PCDH9: variants seen among roughly 807,000 people sequenced by gnomAD.
The protein encoded by PCDH9 is protocadherin 9.
Under a neutral mutation model 70.6 loss-of-function variants are expected in PCDH9, and 24 were observed. The ratio of observed to expected loss-of-function variants is 0.34; its 90% CI spans 0.25 to 0.48. The LOEUF (loss-of-function observed/expected upper bound fraction) is 0.48. Among genes scored for constraint, PCDH9 ranks in the 20% least tolerant of loss-of-function variants. PCDH9 has a pLI of 0.99. For synonymous variants in PCDH9, 562 were observed against 558.5 expected, an observed-to-expected ratio of 1.01 and a Z score of -0.09; for missense variants, 1,281 against 1,503.6, an observed-to-expected ratio of 0.85 and a Z score of 2.45.
rs537711535 is a variant in PCDH9, at chr13:66,537,565, G to T, written c.3340+93645C>A. Among the ~76,000 whole-genome samples, 8 of 152,050 alleles carry T rather than the reference G, an allele frequency of 5.3e-5. No individual in the cohort carries two copies. The South Asian group carries it at 1.7e-3, about 32-fold the overall frequency. On this transcript the variant is annotated intron_variant, in intron 4 of 4. Coordinates refer to ENST00000377865, the MANE Select transcript of PCDH9 (RefSeq NM_203487.3). The stretch of plus-strand genomic sequence containing the variant: ...TGCTTTGCACATTTGAAGAATAAAA[G>T]AAATCCTGCAGTGCTGGAGCAGAGG...
intron 2 of PCDH9, among the ~76,000 whole-genome samples, chr13:66,973,805 T>A (rs1168553830): frequency 6.6e-6 from 1 of 152,050 alleles, no homozygotes; most frequent in African/African-American, 2.4e-5. Flanking sequence ...ATAATGTGTC[T>A]GACCTAAAAC....
At chr13:66,747,746 C>G (rs1278484085) in intron 3 of PCDH9, among the ~76,000 whole-genome samples, 1 of 152,036 alleles carries the variant, frequency 6.6e-6, no homozygotes, top group Non-Finnish European at 1.5e-5. Flanking sequence ...TTAATACACA[C>G]ACATACACAG....
At position 67,124,782 on chromosome 13, in the gene PCDH9, G is replaced by C. The variant is rs191698851; in HGVS notation, c.3036+100623C>G. ...AGGAAGAGGAGACAGGAAAACAAAG[G>C]GTTTCTTGTTTTGAAATATACAATG... On this transcript the variant is annotated intron_variant, in intron 2 of 4. Coordinates refer to ENST00000377865, the MANE Select transcript of PCDH9 (RefSeq NM_203487.3). Among the ~76,000 whole-genome samples the C allele has an allele frequency of 2.5e-4, 38 of 152,192 alleles. No homozygotes were observed. In the East Asian group the frequency reaches 5.2e-3, roughly 21 times the overall value.
chr13:67,211,852 A>G (rs917536695), intron 2 of PCDH9: 1 of 152,104 alleles, frequency 6.6e-6, no homozygotes, highest in Non-Finnish European at 1.5e-5. Context: ...TCTATGTTCC[A>G]TATCTGTGGT....
At chr13:66,720,903 G>T (rs745529657) in intron 3 of PCDH9, among the ~76,000 whole-genome samples, 19 of 152,066 alleles carry the variant, frequency 1.2e-4, no homozygotes, top group African/African-American at 4.6e-4. Flanking sequence ...GTGGGTATAC[G>T]CAGGGGAAAA....
chr13:66,694,004 C>A (rs1265090573), intron 3 of PCDH9, among the ~76,000 whole-genome samples: 1 of 152,170 alleles, frequency 6.6e-6, no homozygotes, highest in Non-Finnish European at 1.5e-5. Context: ...TTTAGCAGTC[C>A]TGCTGGTTAG....
chr13:66,381,746 A>G (rs1956852015), intron 4 of PCDH9, among the ~76,000 whole-genome samples: 1 of 152,172 alleles, frequency 6.6e-6, no homozygotes, highest in African/African-American at 2.4e-5. Context: ...TGATTCTTTC[A>G]TTTCTCCTTG....
chr13:66,324,522 T>C (rs1955808822), intron 4 of PCDH9, among the ~76,000 whole-genome samples: 1 of 152,026 alleles, frequency 6.6e-6, no homozygotes, highest in East Asian at 1.9e-4. Context: ...TGATAGAGAA[T>C]ATTAATTTTA....
chr13:66,749,075 TAA>T (rs2079417272), intron 3 of PCDH9, among the ~76,000 whole-genome samples: 1 of 152,218 alleles, frequency 6.6e-6, no homozygotes, highest in Admixed American at 6.5e-5. Flanking sequence ...GCCATGATTA[TAA>T]GTTTCCTGAG....
intron 4 of PCDH9, among the ~76,000 whole-genome samples, chr13:66,505,962 C>A (rs571492715): frequency 1.3e-5 from 2 of 152,310 alleles, no homozygotes; most frequent in African/African-American, 4.8e-5. Context: ...GTCTATTCTA[C>A]TTTTATCTCT....
chr13:66,601,812 T>C (rs1294078283), intron 4 of PCDH9, among the ~76,000 whole-genome samples: 1 of 145,760 alleles, frequency 6.9e-6, no homozygotes, highest in East Asian at 1.9e-4. Flanking sequence ...CATAATAATG[T>C]CATGTAAGGC....
At chr13:66,454,557 G>A (rs1352567006) in intron 4 of PCDH9, among the ~76,000 whole-genome samples, 4 of 152,104 alleles carry the variant, frequency 2.6e-5, no homozygotes, top group Non-Finnish European at 5.9e-5. Flanking sequence ...TATATGAAAG[G>A]CTGTTTTCTT....
intron 3 of PCDH9, among the ~76,000 whole-genome samples, chr13:66,676,561 C>T (rs2078245799): frequency 6.6e-6 from 1 of 152,070 alleles, no homozygotes; most frequent in African/African-American, 2.4e-5. Flanking sequence ...GCTTAATATC[C>T]ATGACAGGAT....
chr13:67,162,771 T>C (rs1459897740), intron 2 of PCDH9, among the ~76,000 whole-genome samples: 2 of 151,964 alleles, frequency 1.3e-5, no homozygotes. Context: ...ATTTAAGTAA[T>C]AATGTATTCA....
chr13:66,496,319 C>T (rs962968195), intron 4 of PCDH9, among the ~76,000 whole-genome samples: 4 of 152,088 alleles, frequency 2.6e-5, no homozygotes, highest in African/African-American at 9.7e-5. Context: ...CATCACATAC[C>T]TCCAGGTCTG....
chr13:66,362,399 G>C (rs1956485911), intron 4 of PCDH9, among the ~76,000 whole-genome samples: 1 of 151,924 alleles, frequency 6.6e-6, no homozygotes, highest in South Asian at 2.1e-4. Context: ...TTCCATCAGG[G>C]GGCTATTCTC....
intron 2 of PCDH9, chr13:67,218,347 C>CA (rs2089653145): frequency 6.6e-6 from 1 of 151,932 alleles, no homozygotes; most frequent in Admixed American, 6.6e-5. Context: ...ATTAAGAGGA[C>CA]AAAAAAGGAG....
chr13:66,818,860 G>C (rs1388501564), intron 3 of PCDH9, among the ~76,000 whole-genome samples: 1 of 152,062 alleles, frequency 6.6e-6, no homozygotes, highest in Non-Finnish European at 1.5e-5. Context: ...CGTGAACCCA[G>C]GAGGCGGAGC....
intron 2 of PCDH9, among the ~76,000 whole-genome samples, chr13:67,094,510 C>T (rs1325339299): frequency 2.0e-5 from 3 of 152,080 alleles, no homozygotes; most frequent in Admixed American, 6.6e-5. Context: ...CTTAGAAACA[C>T]GTATTTGCAT....
Sources: allele counts gnomAD v4.1 joint callset (sites outside exome capture counted in the v4.1 genomes callset), GRCh38; gene constraint gnomAD v4.1.1; transcripts MANE v1.5; gene names NCBI Gene and HGNC (gene_info 2026-07-23, HGNC 2026-07-21).